PLPP3: variants seen among roughly 807,000 people sequenced by gnomAD.
PLPP3 encodes the protein PAP2 beta.
Under a neutral mutation model 29.6 loss-of-function variants are expected in PLPP3, and 6 were observed. The ratio of observed to expected loss-of-function variants is 0.20; its 90% CI spans 0.11 to 0.40. The LOEUF (loss-of-function observed/expected upper bound fraction) is 0.40, where lower values mean the gene tolerates loss of function less well. PLPP3 is among the 10% of genes least tolerant of loss of function. The pLI is 1.00. For missense variants in PLPP3, 308 were observed against 407.7 expected (o/e 0.76, Z 2.11); for synonymous variants, 152 against 159.7 (o/e 0.95, Z 0.36).
intron 1 of PLPP3, among the ~76,000 whole-genome samples, chr1:56,551,296 G>GT (rs1557511342): frequency 7.0e-6 from 1 of 142,332 alleles, no homozygotes; most frequent in Admixed American, 7.0e-5. Flanking sequence ...GTTTGGTTCG[G>GT]TTCGGTTCGG....
At chr1:56,555,296 A>G (rs1244580368) in intron 1 of PLPP3, among the ~76,000 whole-genome samples, 1 of 151,634 alleles carries the variant, frequency 6.6e-6, no homozygotes, top group Non-Finnish European at 1.5e-5. Flanking sequence ...CTGCACATGG[A>G]CACCGTAAGG....
chr1:56,577,184 T>A lies in PLPP3; in HGVS notation c.139+1694A>T, dbSNP rs1368990320. On this transcript the variant is annotated intron_variant, in intron 1 of 5. Transcript: ENST00000371250. ...AAACAGCTTCCATGTGTTTAGTGCT[T>A]CCTTGTACTCCCCTGGGACCAGAGA... Among the ~76,000 whole-genome samples the A allele has an allele frequency of 3.3e-5, 5 of 152,310 alleles. No individual in the cohort carries two copies. The East Asian group carries it at 9.6e-4, about 29-fold the overall frequency.
At chr1:56,575,325 C>T (rs1646228417) in intron 1 of PLPP3, among the ~76,000 whole-genome samples, 1 of 151,124 alleles carries the variant, frequency 6.6e-6, no homozygotes, top group African/African-American at 2.5e-5. Context: ...GCCCCTCTCT[C>T]ACTATTTAAA....
intron 1 of PLPP3, among the ~76,000 whole-genome samples, chr1:56,557,010 G>GA (rs1235067963): frequency 0.016 from 169 of 10,710 alleles, 20 homozygotes; most frequent in Admixed American, 0.034. Flanking sequence ...AAGAAAGAAA[G>GA]AGAGAGAGAG....
Position 56,536,741 on chromosome 1 carries a change from C to T in PLPP3, c.297+214G>A, listed in dbSNP as rs144016892. Among the ~76,000 whole-genome samples, 1,319 of 152,224 alleles carry T rather than the reference C, an allele frequency of 8.7e-3. 14 individuals are homozygous for T. Among genetic ancestry groups the T allele is most frequent in the African/African-American group, 0.03 (1,255 of 41,516 alleles). The stretch of plus-strand genomic sequence containing the variant: ...TTTTTGTAGCTGTAGTCTTTGAGTA[C>T]GTCATTTAACTCTCCCATCTGTATA... On this transcript the variant is annotated intron_variant, in intron 2 of 5. Transcript: ENST00000371250.
At chr1:56,541,653 A>G (rs780872154) in intron 1 of PLPP3, among the ~76,000 whole-genome samples, 5 of 152,220 alleles carry the variant, frequency 3.3e-5, no homozygotes, top group African/African-American at 2.4e-5. Flanking sequence ...TAAGTTATGG[A>G]GCTGAACAGG....
intron 1 of PLPP3, among the ~76,000 whole-genome samples, chr1:56,550,581 A>G (rs1646031432): frequency 6.6e-6 from 1 of 152,128 alleles, no homozygotes; most frequent in Non-Finnish European, 1.5e-5. Context: ...AATCAGGCAG[A>G]GGGGAGGAAG....
intron 1 of PLPP3, among the ~76,000 whole-genome samples, chr1:56,549,577 A>G (rs1646025328): frequency 6.6e-6 from 1 of 152,204 alleles, no homozygotes; most frequent in Non-Finnish European, 1.5e-5. Flanking sequence ...CAAGGACTGC[A>G]GAGTATTTTG....
At chr1:56,521,306 G>T (rs72664335) in intron 4 of PLPP3, among the ~76,000 whole-genome samples, 11,350 of 151,552 alleles carry the variant, frequency 0.075, 434 homozygotes, top group Middle Eastern at 0.11. Context: ...ACAAGAGCTG[G>T]GATTTCTCTG....
chr1:56,520,898 G>A (rs1226998772), intron 4 of PLPP3, among the ~76,000 whole-genome samples: 3 of 114,570 alleles, frequency 2.6e-5, no homozygotes, highest in South Asian at 3.2e-4. Context: ...GCAACAGAGC[G>A]AGACTCCATC....
At chr1:56,531,029 C>T (rs1008601276) in intron 2 of PLPP3, among the ~76,000 whole-genome samples, 1 of 152,118 alleles carries the variant, frequency 6.6e-6, no homozygotes, top group Non-Finnish European at 1.5e-5. Context: ...TACAACTGAG[C>T]TCTCTAAGTC....
chr1:56,530,456 G>A (rs1215764619), intron 2 of PLPP3, among the ~76,000 whole-genome samples: 1 of 152,134 alleles, frequency 6.6e-6, no homozygotes, highest in Non-Finnish European at 1.5e-5. Flanking sequence ...CCAAGTCTAA[G>A]GTCACACCCA....
chr1:56,508,647 G>A (rs1200667984), intron 5 of PLPP3, among the ~76,000 whole-genome samples: 1 of 152,172 alleles, frequency 6.6e-6, no homozygotes, highest in African/African-American at 2.4e-5. Context: ...CTGATTCGTG[G>A]GGAAGAGTTC....
chr1:56,518,670 C>T (rs906975224), intron 4 of PLPP3, among the ~76,000 whole-genome samples: 6 of 149,326 alleles, frequency 4.0e-5, no homozygotes, highest in African/African-American at 1.5e-4. Flanking sequence ...AATGAAGAGA[C>T]CAAAAAATCT....
At chr1:56,565,545 C>A (rs575156976) in intron 1 of PLPP3, among the ~76,000 whole-genome samples, 1 of 152,086 alleles carries the variant, frequency 6.6e-6, no homozygotes, top group African/African-American at 2.4e-5. Context: ...CTCAGCCTCC[C>A]GAGTAGCTGG....
intron 2 of PLPP3, among the ~76,000 whole-genome samples, chr1:56,531,351 T>A (rs1645887311): frequency 6.6e-6 from 1 of 152,204 alleles, no homozygotes; most frequent in African/African-American, 2.4e-5. Flanking sequence ...ATAGTCAGAC[T>A]TGTACTTGTC....
chr1:56,578,830 C>T (rs747342538), intron 1 of PLPP3, 48 bp downstream of exon 1: 24 of 1,484,712 alleles, frequency 1.6e-5, no homozygotes, highest in South Asian at 3.8e-5. Flanking sequence ...GGACGCGCGC[C>T]GAGGGACGAG....
chr1:56,526,157 C>G (rs1645851190), intron 2 of PLPP3, among the ~76,000 whole-genome samples: 1 of 152,126 alleles, frequency 6.6e-6, no homozygotes, highest in African/African-American at 2.4e-5. Context: ...CCTGAGAGAG[C>G]AAAACTAGTA....
intron 1 of PLPP3, among the ~76,000 whole-genome samples, chr1:56,565,848 T>C (rs1363478571): frequency 2.0e-5 from 3 of 152,196 alleles, no homozygotes; most frequent in South Asian, 2.1e-4. Context: ...AAATCCCTCA[T>C]AGTTAATTCT....
Sources: allele counts gnomAD v4.1 joint callset (sites outside exome capture counted in the v4.1 genomes callset), GRCh38; gene constraint gnomAD v4.1.1; transcripts MANE v1.5; gene names NCBI Gene and HGNC (gene_info 2026-07-23, HGNC 2026-07-21).